PFKP: variants seen among roughly 807,000 people sequenced by gnomAD.
The protein encoded by PFKP is ATP-dependent 6-phosphofructokinase, platelet type.
Under a neutral mutation model 94.3 loss-of-function variants are expected in PFKP, and 101 were observed. The ratio of observed to expected loss-of-function variants is 1.07; its 90% CI spans 0.91 to 1.26. The LOEUF (loss-of-function observed/expected upper bound fraction) is 1.26. Ranked by LOEUF, PFKP falls within the 50% of genes most tolerant of loss-of-function variation. The pLI, the probability that PFKP is intolerant of heterozygous loss-of-function variation, is 0.00. For synonymous variants in PFKP, 573 were observed against 432.6 expected (o/e 1.32, Z -4.03); for missense variants, 1,145 against 1,103.3 (o/e 1.04, Z -0.53).
intron 17 of PFKP, among the ~76,000 whole-genome samples, chr10:3,131,916 T>C (rs976697769): frequency 2.0e-5 from 3 of 152,180 alleles, no homozygotes; most frequent in African/African-American, 4.8e-5. Flanking sequence ...AGACCATCTT[T>C]TCCTTAAGAA....
At chr10:3,095,334 G>T (rs151186415) in intron 2 of PFKP, among the ~76,000 whole-genome samples, 1 of 115,580 alleles carries the variant, frequency 8.7e-6, no homozygotes, top group African/African-American at 2.7e-5. Flanking sequence ...TCTACATATA[G>T]AATGATCTCC....
intron 10 of PFKP, among the ~76,000 whole-genome samples, chr10:3,110,734 G>A (rs557304069): frequency 6.6e-6 from 1 of 152,148 alleles, no homozygotes; most frequent in Non-Finnish European, 1.5e-5. Flanking sequence ...GTATATGTGT[G>A]TGCATGTGTA....
chr10:3,123,390 CG>C (rs1375612478), intron 16 of PFKP, among the ~76,000 whole-genome samples: 1 of 152,182 alleles, frequency 6.6e-6, no homozygotes, highest in African/African-American at 2.4e-5. Flanking sequence ...GGGTCTCCCC[CG>C]TATTGAAGCT....
At chr10:3,104,786 A>G in intron 5 of PFKP, 1 of 413,806 alleles carries the variant, frequency 2.4e-6, no homozygotes, top group Non-Finnish European at 4.4e-6. Context: ...CCCAATAGAG[A>G]AGGTATCTGG....
chr10:3,087,498 A>G (rs189238032), intron 2 of PFKP, among the ~76,000 whole-genome samples: 2 of 152,296 alleles, frequency 1.3e-5, no homozygotes, highest in Non-Finnish European at 2.9e-5. Flanking sequence ...AATTTCTGCA[A>G]TTCTTCTGCT....
chr10:3,132,716 TAC>T (rs1188013436), intron 18 of PFKP, among the ~76,000 whole-genome samples: 6 of 148,870 alleles, frequency 4.0e-5, no homozygotes, highest in South Asian at 4.2e-4. Flanking sequence ...AAGAAGGAAA[TAC>T]AGTCATCCCT....
intron 14 of PFKP, among the ~76,000 whole-genome samples, chr10:3,118,546 G>A (rs1003518498): frequency 2.0e-5 from 3 of 152,188 alleles, no homozygotes; most frequent in African/African-American, 4.8e-5. Flanking sequence ...TTTAGGTCAA[G>A]GTATGAGCTG....
intron 15 of PFKP, among the ~76,000 whole-genome samples, chr10:3,119,485 G>T (rs9423465): frequency 6.6e-6 from 1 of 152,016 alleles, no homozygotes; most frequent in African/African-American, 2.4e-5. Flanking sequence ...GGTGCCTGTA[G>T]TCCCAGCTAC....
At position 3,092,930 on chromosome 10, in the gene PFKP, G is replaced by A. The variant is rs898390469; in HGVS notation, c.187-6345G>A. Among the ~76,000 whole-genome samples, 7 of 147,948 alleles carry A rather than the reference G, an allele frequency of 4.7e-5. No individual in the cohort carries two copies. In the East Asian group the frequency reaches 1.4e-3, roughly 30 times the overall value. On this transcript the variant is annotated intron_variant, in intron 2 of 21. Transcript: ENST00000381125. ...GCCTGAGCTGCTGGGATGTGTAGAT[G>A]GGGGTGGCCACGGAAGCCTGAGCTC...
chr10:3,071,274 A>G (rs1469272790), intron 1 of PFKP, among the ~76,000 whole-genome samples: 2 of 152,082 alleles, frequency 1.3e-5, no homozygotes. Context: ...TAGAGTGTAT[A>G]TTATTTAATT....
chr10:3,081,232 C>T (rs1255716973), intron 1 of PFKP, among the ~76,000 whole-genome samples: 1 of 152,188 alleles, frequency 6.6e-6, no homozygotes, highest in Non-Finnish European at 1.5e-5. Flanking sequence ...ATGGTGACTC[C>T]AGCATCGCTG....
At chr10:3,075,119 A>T (rs1832479132) in intron 1 of PFKP, among the ~76,000 whole-genome samples, 1 of 152,258 alleles carries the variant, frequency 6.6e-6, no homozygotes, top group African/African-American at 2.4e-5. Context: ...CACATATCTC[A>T]TGCTACTGCT....
chr10:3,126,021 G>A (rs1280934618), intron 16 of PFKP, among the ~76,000 whole-genome samples: 1 of 152,236 alleles, frequency 6.6e-6, no homozygotes, highest in Non-Finnish European at 1.5e-5. Context: ...TGCATCGCGT[G>A]CGGGGACAGC....
chr10:3,079,286 G>T (rs965215206), intron 1 of PFKP, among the ~76,000 whole-genome samples: 1 of 151,762 alleles, frequency 6.6e-6, no homozygotes, highest in African/African-American at 2.4e-5. Flanking sequence ...CCAGGCTGGA[G>T]TGCAGTGGCA....
chr10:3,127,838 TGGGAAG>T (rs1404433674), intron 16 of PFKP, among the ~76,000 whole-genome samples: 3 of 152,254 alleles, frequency 2.0e-5, no homozygotes, highest in Non-Finnish European at 4.4e-5. Context: ...CCAATTATTT[TGGGAAG>T]AAAAGAATCT....
intron 5 of PFKP, chr10:3,104,624 A>G (rs539027577): frequency 9.6e-6 from 2 of 208,282 alleles, no homozygotes; most frequent in South Asian, 1.6e-4. Flanking sequence ...GTGGAAAATC[A>G]CCGAGTTGGA....
At chr10:3,107,394 C>T (rs113038307) in intron 8 of PFKP, 85 bp downstream of exon 8, 8 of 771,690 alleles carry the variant, frequency 1.0e-5, no homozygotes, top group African/African-American at 7.0e-5. Flanking sequence ...TGGTTTAGAA[C>T]ATTGAATTAT....
chr10:3,084,007 C>T (rs894793555), intron 2 of PFKP, among the ~76,000 whole-genome samples: 7 of 152,118 alleles, frequency 4.6e-5, no homozygotes, highest in South Asian at 2.1e-4. Flanking sequence ...TATGATGGAC[C>T]CTGTATTCCA....
chr10:3,130,316 A>C (rs1838433494), intron 17 of PFKP, among the ~76,000 whole-genome samples: 2 of 152,256 alleles, frequency 1.3e-5, no homozygotes, highest in Admixed American at 1.3e-4. Flanking sequence ...CGTCTGCGAC[A>C]GGCTCTGAAG....
Sources: gnomAD v4.1 joint callset for allele counts (sites outside exome capture counted in the v4.1 genomes callset) on GRCh38, gnomAD v4.1.1 for gene constraint, MANE v1.5 for transcripts, NCBI Gene and HGNC (gene_info 2026-07-23, HGNC 2026-07-21) for gene names.